Variants in TUBA1C observed in about 807,000 individuals in gnomAD.
TUBA1C encodes the protein tubulin alpha 1c.
TUBA1C carries 16 observed loss-of-function variants against 34.9 expected under a neutral mutation model. That is an observed-to-expected ratio of 0.46 (90% confidence interval 0.31 to 0.70). The LOEUF (loss-of-function observed/expected upper bound fraction) is 0.70, where lower values mean the gene tolerates loss of function less well. TUBA1C is among the 30% of genes least tolerant of loss of function. The pLI is 0.05. For missense variants in TUBA1C, 329 were observed against 587.3 expected (o/e 0.56, Z 4.55); for synonymous variants, 177 against 215.9 (o/e 0.82, Z 1.58).
chr12:49,260,279 G>A (rs1010347182), upstream of TUBA1C, among the ~76,000 whole-genome samples: 3 of 152,170 alleles, frequency 2.0e-5, no homozygotes, highest in Admixed American at 1.3e-4. Context: ...TAGGGATACA[G>A]GGTGGGAATA....
chr12:49,247,942 C>T (rs574689677), intron 1 of TUBA1C, among the ~76,000 whole-genome samples: 2 of 120,910 alleles, frequency 1.7e-5, no homozygotes, highest in East Asian at 3.3e-4. Flanking sequence ...AACGAGATTC[C>T]GTCTCAAAAA....
chr12:49,269,759 G>C, intron 2 of TUBA1C, 69 bp from the exon 3 acceptor site: 1 of 1,613,070 alleles, frequency 6.2e-7, no homozygotes, highest in South Asian at 1.1e-5. Context: ...GGGGGGCTCC[G>C]CTGGTCACTC....
intron 1 of TUBA1C, among the ~76,000 whole-genome samples, chr12:49,240,808 C>T (rs1942607763): frequency 6.6e-6 from 1 of 152,080 alleles, no homozygotes; most frequent in Non-Finnish European, 1.5e-5. Flanking sequence ...ATTGTCCAGG[C>T]TGTTCTTGAA....
At chr12:49,235,048 C>A (rs187620138) in intron 1 of TUBA1C, among the ~76,000 whole-genome samples, 1 of 151,246 alleles carries the variant, frequency 6.6e-6, no homozygotes, top group African/African-American at 2.4e-5. Flanking sequence ...GAATTCCTGT[C>A]CTCGTGATCC....
intron 1 of TUBA1C, among the ~76,000 whole-genome samples, chr12:49,256,909 G>A (rs1455691451): frequency 6.6e-6 from 1 of 152,150 alleles, no homozygotes; most frequent in Non-Finnish European, 1.5e-5. Context: ...GCCAGGAGCG[G>A]TGGTTCACGC....
intron 1 of TUBA1C, among the ~76,000 whole-genome samples, chr12:49,249,427 C>CTAAA (rs1182019132): frequency 2.4e-4 from 37 of 151,710 alleles, no homozygotes; most frequent in Admixed American, 1.8e-3. Context: ...AACTCCGTCT[C>CTAAA]TAAATAAATA....
chr12:49,272,451 C>T lies in TUBA1C; in HGVS notation c.574C>T (p.His192Tyr), dbSNP rs1268953734. The change falls in exon 4 of 4, where the codon CAC (histidine) becomes TAC (tyrosine). Residue 192 changes from histidine (H) to tyrosine (Y), a missense_variant. Transcript: ENST00000301072. Reference sequence around the variant, plus strand: ...GCCCTACAACTCCATCCTCACCACCCACACCACCCTGGAGCACTCTGATTG... The same window carrying T: ...GCCCTACAACTCCATCCTCACCACCTACACCACCCTGGAGCACTCTGATTG... ...VEPYNSILTT[H>Y]TTLEHSDCAF... 6.2e-7 allele frequency: 1 copy of T among 1,613,070 alleles called. No individual in the cohort carries two copies. Among genetic ancestry groups the T allele is most frequent in the Non-Finnish European group, 8.5e-7 (1 of 1,179,934 alleles).
upstream of TUBA1C, among the ~76,000 whole-genome samples, chr12:49,262,401 A>T (rs1942849969): frequency 7.2e-6 from 1 of 138,844 alleles, no homozygotes; most frequent in African/African-American, 2.7e-5. Context: ...ACCCTGTGTA[A>T]AAAAAAAAAA....
chr12:49,255,405 A>ATATATATATATAT (rs1555167050), intron 1 of TUBA1C, among the ~76,000 whole-genome samples: 1 of 141,314 alleles, frequency 7.1e-6, no homozygotes, highest in African/African-American at 2.6e-5. Flanking sequence ...ATCTTTAAAA[A>ATATATATATATAT]ATATATATAT....
At chr12:49,237,077 G>T (rs1294765315) in intron 1 of TUBA1C, among the ~76,000 whole-genome samples, 1 of 152,104 alleles carries the variant, frequency 6.6e-6, no homozygotes, top group Non-Finnish European at 1.5e-5. Context: ...TTCTATATGG[G>T]TGCTTGAAGA....
intron 1 of TUBA1C, among the ~76,000 whole-genome samples, chr12:49,267,914 T>C (rs147846208): frequency 6.6e-6 from 1 of 152,354 alleles, no homozygotes; most frequent in Non-Finnish European, 1.5e-5. Flanking sequence ...ATCTGACTTA[T>C]GATGAAATGC....
At chr12:49,263,523 G>GT (rs1237966653), upstream of TUBA1C, among the ~76,000 whole-genome samples, 1 of 152,004 alleles carries the variant, frequency 6.6e-6, no homozygotes, top group Admixed American at 6.6e-5. Flanking sequence ...GGGCCATTTT[G>GT]TATGTGTGAG....
intron 1 of TUBA1C, chr12:49,233,268 C>T (rs1742305629): frequency 6.6e-6 from 1 of 152,264 alleles, no homozygotes; most frequent in Non-Finnish European, 1.5e-5. Context: ...CCCTGAAGGA[C>T]ACTTTCATAA....
intron 1 of TUBA1C, among the ~76,000 whole-genome samples, chr12:49,234,823 A>T (rs1277963243): frequency 6.6e-6 from 1 of 152,088 alleles, no homozygotes; most frequent in African/African-American, 2.4e-5. Context: ...CCTAAAAAAA[A>T]TTTTCTTTTT....
chr12:49,257,254 A>C (rs1320933065), intron 1 of TUBA1C, among the ~76,000 whole-genome samples: 1 of 152,122 alleles, frequency 6.6e-6, no homozygotes, highest in Non-Finnish European at 1.5e-5. Context: ...TGAAGGCAAC[A>C]TGCGCTGCTG....
At chr12:49,265,349 C>T (rs1026600634) in intron 1 of TUBA1C, among the ~76,000 whole-genome samples, 165 bp downstream of exon 1, 4 of 152,134 alleles carry the variant, frequency 2.6e-5, no homozygotes, top group African/African-American at 4.8e-5. Context: ...GTCGAGTTCA[C>T]TTGGCAGACA....
At chr12:49,229,550 T>A (rs1213881478) in intron 1 of TUBA1C, among the ~76,000 whole-genome samples, 1 of 152,166 alleles carries the variant, frequency 6.6e-6, no homozygotes, top group Non-Finnish European at 1.5e-5. Flanking sequence ...AATTATCTTG[T>A]AAAAAGACAA....
At chr12:49,268,818 A>G (rs1942950204) in intron 1 of TUBA1C, among the ~76,000 whole-genome samples, 1 of 152,196 alleles carries the variant, frequency 6.6e-6, no homozygotes, top group Non-Finnish European at 1.5e-5. Context: ...GAATAGGATT[A>G]AAGCGGGACC....
intron 1 of TUBA1C, among the ~76,000 whole-genome samples, chr12:49,235,758 A>G (rs570827984): frequency 5.5e-4 from 84 of 151,548 alleles, no homozygotes; most frequent in African/African-American, 1.9e-3. Flanking sequence ...AAAATCTTAC[A>G]TAGTTTTTAA....
Sources: allele counts gnomAD v4.1 joint callset (sites outside exome capture counted in the v4.1 genomes callset), GRCh38; gene constraint gnomAD v4.1.1; transcripts MANE v1.5; gene names NCBI Gene and HGNC (gene_info 2026-07-23, HGNC 2026-07-21).